The following OLFM1 variants were observed in gnomAD, a reference collection of about 807,000 sequenced individuals.
OLFM1 encodes the protein noelin.
A neutral mutation model predicts 49.7 loss-of-function variants in OLFM1; 9 were observed. The observed-to-expected ratio is 0.18, with a 90% CI of 0.11 to 0.32. The LOEUF (loss-of-function observed/expected upper bound fraction) is 0.32. Among genes scored for constraint, OLFM1 ranks in the 10% least tolerant of loss-of-function variants. The pLI is 1.00. For missense variants in OLFM1, 369 were observed against 661.8 expected (o/e 0.56, Z 4.85); for synonymous variants, 240 against 271.8 (o/e 0.88, Z 1.15).
chr9:135,087,996 G>A lies in OLFM1; in HGVS notation c.7G>A (p.Val3Met). The change falls in exon 1 of 6, where the codon GTG becomes ATG. Residue 3 changes from valine (V) to methionine (M), a missense_variant. Around this residue, in one of 3 missense-constraint regions of OLFM1, gnomAD observed 20 missense variants for 41.0 expected, o/e 0.49. Coordinates refer to ENST00000371793, the MANE Select transcript of OLFM1 (RefSeq NM_001282611.2). ...GGAGGCAGCTCGAGGCGCGATGTCG[G>A]TGCCGCTGCTCAAGATCGGGGTCGT... Reference protein sequence around the residue: MSVPLLKIGVVLS... With the variant: MSMPLLKIGVVLS... 1 of 1,450,828 alleles carries A rather than the reference G, an allele frequency of 6.9e-7. No homozygotes were observed. Among genetic ancestry groups the A allele is most frequent in the Non-Finnish European group, 9.2e-7 (1 of 1,092,714 alleles). 89.9% of individuals were successfully genotyped at this position (1,450,828 alleles called of 1,614,324 possible).
chr9:135,082,412 G>A (rs1830544975), intron 1 of OLFM1, among the ~76,000 whole-genome samples: 1 of 152,038 alleles, frequency 6.6e-6, no homozygotes, highest in African/African-American at 2.4e-5. Context: ...GAGTGGTGCT[G>A]AAAAGAAAGT....
chr9:135,076,371 G>A, intron 1 of OLFM1: 2 of 1,522,672 alleles, frequency 1.3e-6, no homozygotes, highest in South Asian at 1.3e-5. Context: ...TTGGGGGGCT[G>A]TGGCCACATG....
intron 5 of OLFM1, among the ~76,000 whole-genome samples, chr9:135,116,337 C>T (rs1831095522): frequency 6.6e-6 from 1 of 152,166 alleles, no homozygotes; most frequent in Non-Finnish European, 1.5e-5. Flanking sequence ...CTGAACCCTG[C>T]CTGAGCCTGT....
In OLFM1 at chr9:135,088,864, C is replaced by T. The variant is rs1830640468; in HGVS notation, c.150+725C>T. Reference sequence around the variant, plus strand: ...CTCCTGGCCTCTGAAATTGAAATCGCGTCTCCCTCTCGAGCCTAGCGGGAG... The same window carrying T: ...CTCCTGGCCTCTGAAATTGAAATCGTGTCTCCCTCTCGAGCCTAGCGGGAG... On this transcript the variant is annotated intron_variant, in intron 1 of 5. Coordinates refer to ENST00000371793, the MANE Select transcript of OLFM1 (RefSeq NM_001282611.2). The surrounding 1 kb of genome is among the most constrained non-coding windows in gnomAD (Gnocchi z 4.8). 6.6e-6 allele frequency among the ~76,000 whole-genome samples: 1 copy of T among 152,184 alleles called. No individual in the cohort carries two copies. The highest frequency in any genetic ancestry group is 2.4e-5 in the African/African-American group (1 of 41,454).
At chr9:135,094,726 C>T (rs1271683378) in intron 2 of OLFM1, among the ~76,000 whole-genome samples, 1 of 152,084 alleles carries the variant, frequency 6.6e-6, no homozygotes, top group Non-Finnish European at 1.5e-5. Flanking sequence ...GGTTTGCTCT[C>T]TTGTATTTTA....
intron 5 of OLFM1, among the ~76,000 whole-genome samples, chr9:135,114,799 A>G (rs1028328980): frequency 6.6e-6 from 1 of 152,172 alleles, no homozygotes; most frequent in African/African-American, 2.4e-5. Flanking sequence ...GAAGGTTCAC[A>G]CAGGCCACAC....
In OLFM1 at chr9:135,121,151, T is replaced by C. The variant is rs1831181828; in HGVS notation, c.*973T>C. ...AGGCAAACTTTGTACTATCCAGTTA[T>C]CTAAGGAACAATAAAAACATTAGGA... On this transcript the variant is annotated 3_prime_UTR_variant, in exon 6 of 6. Transcript: ENST00000371793. The C allele has an allele frequency of 6.6e-6, 1 of 152,244 alleles. No individual in the cohort carries two copies. 9.4% of individuals were successfully genotyped at this position (152,244 alleles called of 1,614,324 possible).
chr9:135,103,875 A>G (rs1440412348), intron 4 of OLFM1, among the ~76,000 whole-genome samples: 1 of 152,102 alleles, frequency 6.6e-6, no homozygotes, highest in Non-Finnish European at 1.5e-5. Context: ...TTATTAGCCC[A>G]TCTATAGAGA....
intron 5 of OLFM1, among the ~76,000 whole-genome samples, chr9:135,116,431 G>A (rs766192968): frequency 4.5e-4 from 68 of 152,148 alleles, no homozygotes; most frequent in Non-Finnish European, 8.1e-4. Flanking sequence ...TGTACTGGAA[G>A]AGAAGGTGAT....
At position 135,120,159 on chromosome 9, in the gene OLFM1, TC is replaced by T; in HGVS notation, c.1441del (p.Arg481AlafsTer33). ...TACAACGTGACCCTCTTCCACGTCA[TC>T]CGCTCCGACGAGTTGTAGCTCCCTC... ...ILYNVTLFHV[I>X]RSDEL On this transcript the variant is annotated frameshift_variant, in exon 6 of 6. Coordinates refer to ENST00000371793, the MANE Select transcript of OLFM1 (RefSeq NM_001282611.2). LOFTEE classifies it high-confidence loss of function. 6.2e-7 allele frequency: 1 copy of T among 1,611,836 alleles called. No homozygotes were observed. The highest frequency in any genetic ancestry group is 8.5e-7 in the Non-Finnish European group (1 of 1,178,798).
At chr9:135,109,695 C>G (rs1380725474) in intron 5 of OLFM1, among the ~76,000 whole-genome samples, 1 of 152,120 alleles carries the variant, frequency 6.6e-6, no homozygotes, top group African/African-American at 2.4e-5. Flanking sequence ...ATCACACACA[C>G]AGGAGCCCAA....
At position 135,076,252 on chromosome 9, in the gene OLFM1, C is replaced by T. The variant is rs751693504; in HGVS notation, c.96+450C>T. 6.4e-6 allele frequency: 10 copies of T among 1,550,498 alleles called. No individual in the cohort carries two copies. The African/African-American group carries it at 1.4e-4, about 21-fold the overall frequency. On this transcript the variant is annotated intron_variant, in intron 1 of 5. Transcript: ENST00000252854. Reference sequence around the variant, plus strand: ...GCTCATCCTCCCTTTGGGCATAACGCTGCCCTTGGGGGCTCCAGAAACAGG... The same window carrying T: ...GCTCATCCTCCCTTTGGGCATAACGTTGCCCTTGGGGGCTCCAGAAACAGG...
chr9:135,101,476 C>T (rs1830869355), intron 4 of OLFM1, among the ~76,000 whole-genome samples: 1 of 152,222 alleles, frequency 6.6e-6, no homozygotes, highest in African/African-American at 2.4e-5. Context: ...AAACAAGGAC[C>T]AGGGCTCCAT....
Position 135,098,604 on chromosome 9 carries a change from C to A in OLFM1, c.676+99C>A. Reference sequence around the variant, plus strand: ...GCTGAAGTGGACAGCGCCCGCCTGGCTTCGCGAGGTGATGGCTGGATTAGG... The same window carrying A: ...GCTGAAGTGGACAGCGCCCGCCTGGATTCGCGAGGTGATGGCTGGATTAGG... On this transcript the variant is annotated intron_variant, in intron 4 of 5. Transcript: ENST00000371793. This position sits in a 1 kb window ranked among gnomAD's most constrained non-coding sequence, Gnocchi z 5.6. 1 of 1,103,286 alleles carries A rather than the reference C, an allele frequency of 9.1e-7. No homozygotes were observed. The highest frequency in any genetic ancestry group is 2.1e-5 in the Admixed American group (1 of 48,530). The allele number at this position is 1,103,286 out of a possible 1,614,324, so 68.3% of individuals were successfully genotyped here. A position where few individuals can be genotyped will look rare whatever the true frequency, so the allele number is the denominator to read the frequency against.
chr9:135,102,022 C>T (rs200276168), intron 4 of OLFM1, among the ~76,000 whole-genome samples: 12 of 152,226 alleles, frequency 7.9e-5, no homozygotes, highest in Non-Finnish European at 1.6e-4. Context: ...CAGGGTCAGT[C>T]GGGTCTTTTT....
chr9:135,078,136 G>T (rs1175485807), intron 1 of OLFM1, among the ~76,000 whole-genome samples: 1 of 152,170 alleles, frequency 6.6e-6, no homozygotes, highest in Non-Finnish European at 1.5e-5. Flanking sequence ...TGCGTTGCGG[G>T]TTCCCTGAGC....
At chr9:135,090,492 A>T (rs1588207165) in intron 2 of OLFM1, 148 bp downstream of exon 2, 1 of 829,884 alleles carries the variant, frequency 1.2e-6, no homozygotes, top group East Asian at 2.7e-5. Flanking sequence ...TCTCCACTCA[A>T]AATATTTGTG....
At chr9:135,078,434 A>C (rs1830494201) in intron 1 of OLFM1, among the ~76,000 whole-genome samples, 2 of 152,228 alleles carry the variant, frequency 1.3e-5, no homozygotes. Flanking sequence ...AGTGGAGCAC[A>C]TGGCGGGGCC....
At chr9:135,090,390 G>GTGTT (rs1830668750) in intron 2 of OLFM1, 46 bp downstream of exon 2, 5 of 411,356 alleles carry the variant, frequency 1.2e-5, no homozygotes, top group African/African-American at 1.2e-4. Context: ...GTGTGTTTGT[G>GTGTT]TGTGTGTGTG....
Sources: allele counts gnomAD v4.1 joint callset (sites outside exome capture counted in the v4.1 genomes callset), GRCh38; gene constraint gnomAD v4.1.1; regional missense constraint gnomAD v4.1.1; non-coding constraint Gnocchi (gnomAD v3.1); transcripts MANE v1.5; gene names NCBI Gene and HGNC (gene_info 2026-07-23, HGNC 2026-07-21).